Variants in PTPRK observed in about 807,000 individuals in gnomAD.
PTPRK encodes the protein receptor-type tyrosine-protein phosphatase kappa.
PTPRK carries 75 observed loss-of-function variants against 178.0 expected under a neutral mutation model. That is an observed-to-expected ratio of 0.42 (90% CI 0.35 to 0.51). The LOEUF is 0.51. Among genes scored for constraint, PTPRK ranks in the 20% least tolerant of loss-of-function variants. The pLI, the probability that PTPRK is intolerant of heterozygous loss-of-function variation, is 0.02. For synonymous variants in PTPRK, 637 were observed against 620.6 expected (o/e 1.03, Z -0.39); for missense variants, 1,441 against 1,797.8 (o/e 0.80, Z 3.59).
At chr6:128,008,290 T>C (rs1778657638) in intron 14 of PTPRK, among the ~76,000 whole-genome samples, 1 of 150,154 alleles carries the variant, frequency 6.7e-6, no homozygotes, top group Non-Finnish European at 1.5e-5. Context: ...CACAACCACT[T>C]CTATACACCA....
intron 13 of PTPRK, among the ~76,000 whole-genome samples, chr6:128,030,987 TA>T (rs1432248072): frequency 6.6e-6 from 1 of 152,178 alleles, no homozygotes; most frequent in South Asian, 2.1e-4. Flanking sequence ...ACATGATAGA[TA>T]AAATGATTAA....
intron 13 of PTPRK, among the ~76,000 whole-genome samples, chr6:128,016,508 G>T (rs955206757): frequency 1.3e-5 from 2 of 151,772 alleles, no homozygotes; most frequent in African/African-American, 4.8e-5. Context: ...TCCTGTTTTT[G>T]TCACTTTCTC....
At chr6:128,146,060 A>G (rs1796442354) in intron 7 of PTPRK, among the ~76,000 whole-genome samples, 1 of 152,126 alleles carries the variant, frequency 6.6e-6, no homozygotes, top group Non-Finnish European at 1.5e-5. Context: ...TAGACAGCTA[A>G]GTGGGGTTGA....
At chr6:128,204,391 A>G (rs2128260327) in intron 6 of PTPRK, among the ~76,000 whole-genome samples, 1 of 152,366 alleles carries the variant, frequency 6.6e-6, no homozygotes, top group Middle Eastern at 3.4e-3. Flanking sequence ...AGACACCAAA[A>G]GAAATCTCAA....
At chr6:128,431,803 T>G (rs1028661808) in intron 1 of PTPRK, among the ~76,000 whole-genome samples, 2 of 152,204 alleles carry the variant, frequency 1.3e-5, no homozygotes, top group African/African-American at 4.8e-5. Context: ...TAAAACTGTT[T>G]CCAAATGTAA....
chr6:128,438,918 A>C (rs934548541), intron 1 of PTPRK, among the ~76,000 whole-genome samples: 5 of 152,034 alleles, frequency 3.3e-5, no homozygotes, highest in African/African-American at 1.2e-4. Flanking sequence ...TTGAAACAGA[A>C]GTTTAGAGAA....
intron 1 of PTPRK, among the ~76,000 whole-genome samples, chr6:128,473,197 T>C (rs1481007821): frequency 6.6e-6 from 1 of 151,954 alleles, no homozygotes; most frequent in Non-Finnish European, 1.5e-5. Flanking sequence ...TGAAAGAATA[T>C]AGGCCAGGTA....
rs1554271898 is a variant in PTPRK at position 128,464,649 on chromosome 6, A to ATATGTATATG, written c.100+55609_100+55610insCATATACATA. On this transcript the variant is annotated intron_variant, in intron 1 of 29. Transcript: ENST00000368226. ...TATATATATATACACATATATATAT[A>ATATGTATATG]TATATATATATATATATATATATAT... Among the ~76,000 whole-genome samples the ATATGTATATG allele has an allele frequency of 3.5e-3, 332 of 96,166 alleles. 7 individuals carry two copies. The highest frequency in any genetic ancestry group is 0.015 in the African/African-American group (313 of 20,374). 63.1% of individuals were successfully genotyped at this position (96,166 alleles called of 152,430 possible). A position where few individuals can be genotyped will look rare whatever the true frequency, so the allele number is the denominator to read the frequency against.
At chr6:128,237,951 A>T (rs1188324644) in intron 5 of PTPRK, 2 of 404,136 alleles carry the variant, frequency 4.9e-6, no homozygotes, top group African/African-American at 4.3e-5. Context: ...TTCATAATAA[A>T]AGTTTTTATT....
intron 3 of PTPRK, among the ~76,000 whole-genome samples, chr6:128,268,699 TTACTG>T (rs770577632): frequency 5.9e-5 from 9 of 152,036 alleles, no homozygotes; most frequent in Non-Finnish European, 1.2e-4. Context: ...TCTAATAAAA[TTACTG>T]TACAGTCACC....
chr6:128,116,017 T>C (rs1257717538), intron 7 of PTPRK, among the ~76,000 whole-genome samples: 2 of 152,006 alleles, frequency 1.3e-5, no homozygotes, highest in Non-Finnish European at 2.9e-5. Flanking sequence ...TCCCCAAAAC[T>C]ACTCACAGAC....
rs1287560586 is a variant in PTPRK, at chr6:128,009,207, C to A, written c.2256G>T (p.Val752=). ...PDPAKQTDRV[V]KIAGISAGIL... ...TTCCAGCACTAATTCCTGCTATTTT[C>A]ACCACTCTGTCTGTCTGCTTGGCGG... Residue 752 remains valine (V), a synonymous_variant, in exon 14 of 30, where the codon GTG becomes GTT. Coordinates refer to ENST00000368226, the MANE Select transcript of PTPRK (RefSeq NM_002844.4). 1.9e-6 allele frequency: 3 copies of A among 1,609,056 alleles called. No individual in the cohort carries two copies. Among genetic ancestry groups the A allele is most frequent in the Non-Finnish European group, 2.5e-6 (3 of 1,176,924 alleles).
chr6:128,098,018 T>C (rs1447469388), intron 7 of PTPRK, among the ~76,000 whole-genome samples: 1 of 152,170 alleles, frequency 6.6e-6, no homozygotes, highest in African/African-American at 2.4e-5. Flanking sequence ...ATGCCTCCTT[T>C]ATCCCTAAAA....
intron 2 of PTPRK, among the ~76,000 whole-genome samples, chr6:128,364,204 T>C (rs1835162993): frequency 6.6e-6 from 1 of 152,096 alleles, no homozygotes; most frequent in Non-Finnish European, 1.5e-5. Flanking sequence ...CTGTGATATA[T>C]AACAAAATTC....
intron 3 of PTPRK, among the ~76,000 whole-genome samples, chr6:128,251,622 G>A (rs1266302917): frequency 6.6e-6 from 1 of 152,148 alleles, no homozygotes; most frequent in Non-Finnish European, 1.5e-5. Context: ...TACAGCATCT[G>A]CCACTCAGCA....
chr6:128,382,517 C>A (rs1349411634), intron 2 of PTPRK, among the ~76,000 whole-genome samples: 1 of 151,462 alleles, frequency 6.6e-6, no homozygotes, highest in Non-Finnish European at 1.5e-5. Context: ...AAGAGATACT[C>A]CTGCCTCAGC....
At chr6:128,115,861 A>T (rs77976659) in intron 7 of PTPRK, among the ~76,000 whole-genome samples, 4,031 of 151,890 alleles carry the variant, frequency 0.027, 145 homozygotes, top group African/African-American at 0.062. Context: ...TCCTTCTTTT[A>T]CTCTCCCATA....
chr6:128,368,462 G>T (rs1835827851), intron 2 of PTPRK, among the ~76,000 whole-genome samples: 2 of 151,106 alleles, frequency 1.3e-5, no homozygotes, highest in Admixed American at 6.6e-5. Flanking sequence ...TTTACTGGTT[G>T]CTTCCTCTGA....
At chr6:128,003,258 G>T in intron 15 of PTPRK, 1 of 1,586,836 alleles carries the variant, frequency 6.3e-7, no homozygotes, top group Non-Finnish European at 8.6e-7. Flanking sequence ...GCTCATGAAG[G>T]AATATATTGC....
Sources: gnomAD v4.1 joint callset for allele counts (sites outside exome capture counted in the v4.1 genomes callset) on GRCh38, gnomAD v4.1.1 for gene constraint, MANE v1.5 for transcripts, NCBI Gene and HGNC (gene_info 2026-07-23, HGNC 2026-07-21) for gene names.